The following GPR158 variants were observed in gnomAD, a reference collection of about 807,000 sequenced individuals.
GPR158 encodes the protein metabotropic glycine receptor.
A neutral mutation model predicts 78.2 loss-of-function variants in GPR158; 30 were observed. That is an observed-to-expected ratio of 0.38 (90% confidence interval 0.29 to 0.52). The LOEUF (loss-of-function observed/expected upper bound fraction) is 0.52. Among genes scored for constraint, GPR158 ranks in the 20% least tolerant of loss-of-function variants. GPR158 has a pLI of 0.83. For missense variants in GPR158, 1,463 were observed against 1,523.5 expected (o/e 0.96, Z 0.66); for synonymous variants, 581 against 591.1 (o/e 0.98, Z 0.25).
At chr10:25,442,402 A>G (rs1000095361) in intron 4 of GPR158, among the ~76,000 whole-genome samples, 4 of 152,176 alleles carry the variant, frequency 2.6e-5, no homozygotes, top group African/African-American at 9.7e-5. Flanking sequence ...AAGACAGCAG[A>G]TGAGAATCAC....
rs1564420572 is a variant in GPR158, at chr10:25,317,730, TGTTTTGTTTTG to T, written c.1009-78180_1009-78170del. Among the ~76,000 whole-genome samples, 9 of 145,178 alleles carry T rather than the reference TGTTTTGTTTTG, an allele frequency of 6.2e-5. 2 individuals carry two copies. Among genetic ancestry groups the T allele is most frequent in the African/African-American group, 2.2e-4 (8 of 35,776 alleles). ...CTTCGTAAAGTGTTTTTTTTTGTTT[TGTTTTGTTTTG>T]TTTTTGAGACAGAGTCTCGCTTCTT... On this transcript the variant is annotated intron_variant, in intron 2 of 10. Coordinates refer to ENST00000376351, the MANE Select transcript of GPR158 (RefSeq NM_020752.3).
intron 4 of GPR158, among the ~76,000 whole-genome samples, chr10:25,460,010 A>C (rs1588874266): frequency 6.6e-6 from 1 of 152,158 alleles, no homozygotes; most frequent in Non-Finnish European, 1.5e-5. Flanking sequence ...CCAGAGAGTT[A>C]GGCTCAATGA....
At chr10:25,493,770 T>A (rs1291451701) in intron 5 of GPR158, among the ~76,000 whole-genome samples, 2 of 152,226 alleles carry the variant, frequency 1.3e-5, no homozygotes, top group Non-Finnish European at 2.9e-5. Context: ...ATCATTTGAA[T>A]CTCAAGGCTG....
intron 2 of GPR158, among the ~76,000 whole-genome samples, chr10:25,262,888 A>G (rs1411777089): frequency 6.6e-6 from 1 of 152,164 alleles, no homozygotes; most frequent in Non-Finnish European, 1.5e-5. Context: ...CCTATTTTGA[A>G]ATTGGGTTGT....
At chr10:25,565,710 T>G (rs1836920300) in intron 6 of GPR158, among the ~76,000 whole-genome samples, 1 of 152,180 alleles carries the variant, frequency 6.6e-6, no homozygotes, top group South Asian at 2.1e-4. Flanking sequence ...ATTAGGGGGA[T>G]TAGAACAGAT....
chr10:25,175,598 C>A lies in GPR158; in HGVS notation c.178C>A (p.Pro60Thr), dbSNP rs78985567. 11,750 of 1,610,800 alleles carry A rather than the reference C, an allele frequency of 7.3e-3. 628 individuals are homozygous for A. The African/African-American group carries it at 0.12, about 17-fold the overall frequency. The part of the protein sequence containing the change: ...GRASASDSSA[P>T]WSRSTDGTIL... ...AGCCTCTGCCTCGGACTCCTCGGCT[C>A]CCTGGAGCCGCTCCACCGATGGCAC... The change falls in exon 1 of 11, where the codon CCC becomes ACC. Residue 60 changes from proline (P) to threonine (T), a missense_variant. Physicochemically the swap from Pro to Thr is conservative, Grantham distance 38. Transcript: ENST00000376351. This position sits in a 1 kb window ranked among gnomAD's most constrained non-coding sequence, Gnocchi z 6.4.
At chr10:25,506,124 G>A (rs1836010007) in intron 5 of GPR158, among the ~76,000 whole-genome samples, 2 of 152,154 alleles carry the variant, frequency 1.3e-5, no homozygotes, top group African/African-American at 4.8e-5. Flanking sequence ...AGTGTGATTT[G>A]CCTTTAAGTG....
chr10:25,599,538 C>T lies in GPR158; in HGVS notation c.*264C>T. ...ATTTCAGCATGTTTAAGGAAAATAG[C>T]CCACAATGTCTGCCCTGATCAATAT... is the stretch of plus-strand genomic sequence containing the variant. On this transcript the variant is annotated 3_prime_UTR_variant, in exon 11 of 11. Transcript: ENST00000376351. 1 of 439,114 alleles carries T rather than the reference C, an allele frequency of 2.3e-6. No individual in the cohort carries two copies. The highest frequency in any genetic ancestry group is 4.1e-6 in the Non-Finnish European group (1 of 242,970). The allele number at this position is 439,114 out of a possible 1,614,324, so 27.2% of individuals were successfully genotyped here.
At chr10:25,312,718 AAAG>A (rs1344193570) in intron 2 of GPR158, among the ~76,000 whole-genome samples, 1 of 152,150 alleles carries the variant, frequency 6.6e-6, no homozygotes, top group Non-Finnish European at 1.5e-5. Flanking sequence ...TGAATATTAA[AAAG>A]AAATGTATGC....
chr10:25,240,263 C>T (rs958916220), intron 2 of GPR158, among the ~76,000 whole-genome samples: 5 of 152,228 alleles, frequency 3.3e-5, no homozygotes, highest in Non-Finnish European at 7.3e-5. Context: ...AATCACAGCA[C>T]TTTGGGAGGC....
intron 2 of GPR158, among the ~76,000 whole-genome samples, chr10:25,260,961 T>G (rs534996653): frequency 6.6e-6 from 1 of 152,278 alleles, no homozygotes; most frequent in African/African-American, 2.4e-5. Flanking sequence ...AGAAGGAGAT[T>G]GTGTGAACAT....
At chr10:25,315,234 A>G (rs1050309091) in intron 2 of GPR158, among the ~76,000 whole-genome samples, 6 of 152,000 alleles carry the variant, frequency 3.9e-5, no homozygotes, top group Non-Finnish European at 7.4e-5. Context: ...TATTTTTATT[A>G]TGCTTTTATC....
intron 5 of GPR158, among the ~76,000 whole-genome samples, chr10:25,521,908 A>G (rs569159257): frequency 6.6e-6 from 1 of 152,336 alleles, no homozygotes; most frequent in East Asian, 1.9e-4. Flanking sequence ...AGACAATAAG[A>G]AGATGATAAT....
intron 1 of GPR158, among the ~76,000 whole-genome samples, chr10:25,196,112 A>T (rs1852840538): frequency 6.8e-6 from 1 of 147,416 alleles, no homozygotes; most frequent in Non-Finnish European, 1.5e-5. Context: ...ACTTTCTTTT[A>T]TGATTACATA....
chr10:25,434,624 G>A (rs931612755), intron 4 of GPR158, among the ~76,000 whole-genome samples: 1 of 152,090 alleles, frequency 6.6e-6, no homozygotes, highest in Middle Eastern at 3.2e-3. Flanking sequence ...GTTTGCCCAC[G>A]AGAAGCTCAC....
intron 5 of GPR158, among the ~76,000 whole-genome samples, chr10:25,511,462 T>C (rs558961356): frequency 1.8e-4 from 28 of 152,308 alleles, no homozygotes; most frequent in African/African-American, 6.7e-4. Context: ...GATGTATAGA[T>C]TGCAAAAATT....
chr10:25,271,822 T>G (rs1377695343), intron 2 of GPR158, among the ~76,000 whole-genome samples: 1 of 151,892 alleles, frequency 6.6e-6, no homozygotes, highest in Non-Finnish European at 1.5e-5. Flanking sequence ...TTTTCTTTAG[T>G]AGAAATGGGG....
intron 5 of GPR158, among the ~76,000 whole-genome samples, chr10:25,502,259 T>C (rs1023938628): frequency 9.2e-5 from 14 of 152,090 alleles, no homozygotes; most frequent in Non-Finnish European, 2.9e-5. Flanking sequence ...TTAAAGTAGA[T>C]ATAGCCAGGG....
In GPR158 at chr10:25,176,231, G is replaced by A. The variant is rs1293761350; in HGVS notation, c.811G>A (p.Glu271Lys). 5 of 1,605,174 alleles carry A rather than the reference G, an allele frequency of 3.1e-6. No homozygotes were observed. The Admixed American group carries it at 5.1e-5, about 17-fold the overall frequency. ...SHFKWSPPYL[E>K]CENGSYKPGW... ...CTTCAAGTGGTCTCCGCCTTATCTG[G>A]AGTGCGAGAACGGGAGTTACAAGCC... The change falls in exon 1 of 11, where the codon GAG becomes AAG. Residue 271 changes from glutamate to lysine, a missense_variant. Coordinates refer to ENST00000376351, the MANE Select transcript of GPR158 (RefSeq NM_020752.3). The surrounding 1 kb of genome is among the most constrained non-coding windows in gnomAD (Gnocchi z 6.3).
Sources: allele counts gnomAD v4.1 joint callset (sites outside exome capture counted in the v4.1 genomes callset), GRCh38; gene constraint gnomAD v4.1.1; non-coding constraint Gnocchi (gnomAD v3.1); transcripts MANE v1.5; gene names NCBI Gene and HGNC (gene_info 2026-07-23, HGNC 2026-07-21).